EML1: variants seen among roughly 807,000 people sequenced by gnomAD.
EML1 encodes echinoderm microtubule-associated protein-like 1.
EML1 carries 27 observed loss-of-function variants against 110.4 expected under a neutral mutation model. That is an observed-to-expected ratio of 0.24 (90% CI 0.18 to 0.34). EML1 has a LOEUF of 0.34. Among genes scored for constraint, EML1 ranks in the 10% least tolerant of loss-of-function variants. EML1 has a pLI of 1.00. For missense variants in EML1, 741 were observed against 1,030.9 expected, an observed-to-expected ratio of 0.72 and a Z score of 3.85; for synonymous variants, 344 against 385.8, an observed-to-expected ratio of 0.89 and a Z score of 1.27.
intron 17 of EML1, among the ~76,000 whole-genome samples, chr14:99,932,887 G>A (rs538739289): frequency 1.8e-4 from 28 of 152,224 alleles, no homozygotes; most frequent in African/African-American, 5.8e-4. Context: ...GGGAGGCCAA[G>A]GATGTTTTGC....
intron 1 of EML1, among the ~76,000 whole-genome samples, chr14:99,785,819 G>T (rs1037428177): frequency 6.6e-6 from 1 of 152,064 alleles, no homozygotes; most frequent in African/African-American, 2.4e-5. Context: ...CTGGGTGAAC[G>T]AACGGTTGGG....
At chr14:99,813,936 G>A (rs1403385062) in intron 1 of EML1, among the ~76,000 whole-genome samples, 1 of 152,114 alleles carries the variant, frequency 6.6e-6, no homozygotes, top group African/African-American at 2.4e-5. Context: ...CAGCTGCCCG[G>A]AGCACACTGT....
Position 99,936,531 on chromosome 14 carries a change from T to A in EML1, c.2095+197T>A, listed in dbSNP as rs1260505145. Among the ~76,000 whole-genome samples the A allele has an allele frequency of 2.6e-5, 4 of 152,048 alleles. No homozygotes were observed. The highest frequency in any genetic ancestry group is 2.6e-4 in the Admixed American group (4 of 15,268). On this transcript the variant is annotated intron_variant, in intron 19 of 21. Coordinates refer to ENST00000262233, the MANE Select transcript of EML1 (RefSeq NM_004434.3). This position sits in a 1 kb window ranked among gnomAD's most constrained non-coding sequence, Gnocchi z 5.5. The stretch of plus-strand genomic sequence containing the variant: ...GGGTCCTTCCCGGTTTCCTGCTGAC[T>A]GTGAGCCCCTATGGAGGAGAAGATC...
chr14:99,921,731 T>C (rs989596887), intron 17 of EML1, among the ~76,000 whole-genome samples: 2 of 152,194 alleles, frequency 1.3e-5, no homozygotes, highest in African/African-American at 2.4e-5. Context: ...ATGAGGACTC[T>C]TTTTAACAGC....
chr14:99,880,071 T>A (rs924539790), intron 4 of EML1, among the ~76,000 whole-genome samples: 1 of 152,220 alleles, frequency 6.6e-6, no homozygotes, highest in African/African-American at 2.4e-5. Context: ...TAGGAAATTT[T>A]GATTTGGAAA....
chr14:99,925,275 C>CTTTTTTTT (rs972066503), intron 17 of EML1, among the ~76,000 whole-genome samples: 18 of 136,050 alleles, frequency 1.3e-4, no homozygotes, highest in Non-Finnish European at 1.6e-4. Context: ...TTTCTTTTTT[C>CTTTTTTTT]TTTTTTTTTT....
chr14:99,792,809 G>A (rs1317685502), upstream of EML1: 2 of 152,332 alleles, frequency 1.3e-5, no homozygotes, highest in Non-Finnish European at 2.9e-5. Flanking sequence ...TCTCACTGAG[G>A]CAGGGCCTTG....
chr14:99,834,403 G>A (rs2058507507), intron 1 of EML1, among the ~76,000 whole-genome samples: 1 of 151,694 alleles, frequency 6.6e-6, no homozygotes, highest in African/African-American at 2.4e-5. Flanking sequence ...CCCAGTTCAA[G>A]CAATTCTTCT....
chr14:99,829,399 A>T (rs1231199888), intron 1 of EML1, among the ~76,000 whole-genome samples: 1 of 152,236 alleles, frequency 6.6e-6, no homozygotes, highest in African/African-American at 2.4e-5. Flanking sequence ...ACTTGAATGA[A>T]TATATCACTT....
chr14:99,893,283 G>A (rs556581827), intron 5 of EML1, among the ~76,000 whole-genome samples: 1 of 152,218 alleles, frequency 6.6e-6, no homozygotes, highest in Admixed American at 6.5e-5. Context: ...GGGCCTTGGT[G>A]GGTTTGGCAG....
chr14:99,940,319 C>A lies in EML1; in HGVS notation c.*207C>A. 2.0e-6 allele frequency: 1 copy of A among 510,608 alleles called. No homozygotes were observed. The highest frequency in any genetic ancestry group is 3.1e-6 in the Non-Finnish European group (1 of 320,416). 31.6% of individuals were successfully genotyped at this position (510,608 alleles called of 1,614,324 possible). ...TTCACTTTTGTTGTACAATATATGA[C>A]ACAGTGCACATTGAATACCAACAAG... On this transcript the variant is annotated 3_prime_UTR_variant, in exon 22 of 22. Transcript: ENST00000262233.
intron 1 of EML1, among the ~76,000 whole-genome samples, chr14:99,757,338 CA>C (rs565061924): frequency 0.091 from 8,731 of 96,112 alleles, 387 homozygotes; most frequent in African/African-American, 0.19. Context: ...GACTCCATTT[CA>C]AAAAAAAAAA....
intron 1 of EML1, among the ~76,000 whole-genome samples, chr14:99,754,970 C>A (rs2057230958): frequency 6.6e-6 from 1 of 152,232 alleles, no homozygotes; most frequent in African/African-American, 2.4e-5. Flanking sequence ...AGCTGTAAAC[C>A]TAACCAGCTG....
In EML1 at chr14:99,920,837, A is replaced by G. The variant is rs750122108; in HGVS notation, c.1869A>G (p.Thr623=). Residue 623 remains threonine, a synonymous_variant, in exon 17 of 22, where the codon ACA becomes ACG. Transcript: ENST00000262233. ...TETKDLVTVH[T]DGNEQLSVMR... is the part of the protein sequence containing the mutation. ...CAAAAGACTTGGTCACCGTTCACAC[A>G]GATGGAAACGAACAGCTCTCTGTAA... 6.2e-7 allele frequency: 1 copy of G among 1,614,052 alleles called. No individual in the cohort carries two copies. The highest frequency in any genetic ancestry group is 1.7e-5 in the Admixed American group (1 of 59,986).
chr14:99,901,466 A>G (rs990427758), intron 9 of EML1, among the ~76,000 whole-genome samples: 1 of 152,246 alleles, frequency 6.6e-6, no homozygotes, highest in African/African-American at 2.4e-5. Flanking sequence ...AGGCAAGTCC[A>G]TAGAGTAAAG....
chr14:99,898,432 C>T (rs1861499994), intron 8 of EML1, 130 bp downstream of exon 8: 1 of 854,934 alleles, frequency 1.2e-6, no homozygotes, highest in African/African-American at 1.7e-5. Flanking sequence ...GAACCCCTCA[C>T]TAGAATTTTT....
chr14:99,869,499 C>T (rs746095505), intron 3 of EML1, among the ~76,000 whole-genome samples: 4 of 152,122 alleles, frequency 2.6e-5, no homozygotes, highest in Non-Finnish European at 4.4e-5. Flanking sequence ...TGAAATAAGG[C>T]CATTTAGTAA....
rs1418445573 is a variant in EML1 at position 99,911,545 on chromosome 14, G to A, written c.1463G>A (p.Ser488Asn). ...GGKDRKLISWSGNYQKLRKTE... is the reference protein window; with the variant it reads ...GGKDRKLISWNGNYQKLRKTE... The stretch of plus-strand genomic sequence containing the variant: ...AAAGACCGAAAGCTCATTTCTTGGA[G>A]CGGAAACTATCAAAAACTTCGTAAA... Residue 488 changes from serine (S) to asparagine (N), a missense_variant, in exon 13 of 22, where the codon AGC becomes AAC. By Grantham distance (46) the Ser-to-Asn change is conservative. Transcript: ENST00000262233. The A allele has an allele frequency of 1.2e-5, 19 of 1,612,312 alleles. No individual in the cohort carries two copies. The highest frequency in any genetic ancestry group is 1.5e-5 in the Non-Finnish European group (18 of 1,179,740).
chr14:99,932,468 C>G (rs1167915035), intron 17 of EML1, among the ~76,000 whole-genome samples: 2 of 151,716 alleles, frequency 1.3e-5, no homozygotes, highest in Non-Finnish European at 2.9e-5. Context: ...TGAAACCCAT[C>G]TCTACTAAAA....
Sources: gnomAD v4.1 joint callset for allele counts (sites outside exome capture counted in the v4.1 genomes callset) on GRCh38, gnomAD v4.1.1 for gene constraint, Gnocchi (gnomAD v3.1) non-coding constraint, MANE v1.5 for transcripts, NCBI Gene and HGNC (gene_info 2026-07-23, HGNC 2026-07-21) for gene names.